The following HOXA3 variants were observed in gnomAD, a reference collection of about 807,000 sequenced individuals.
The protein encoded by HOXA3 is homeobox protein Hox-A3.
In HOXA3, 8 loss-of-function variants were observed where a neutral mutation model predicts 30.3. The observed-to-expected ratio is 0.26, with a 90% CI of 0.15 to 0.48. The LOEUF (loss-of-function observed/expected upper bound fraction) is 0.48. Ranked by LOEUF, HOXA3 falls within the 20% of genes least tolerant of loss-of-function variation. The pLI is 0.99. For synonymous variants in HOXA3, 323 were observed against 273.1 expected, an observed-to-expected ratio of 1.18 and a Z score of -1.80; for missense variants, 653 against 614.4, an observed-to-expected ratio of 1.06 and a Z score of -0.66.
At chr7:27,148,069 T>G (rs1554342254) in intron 1 of HOXA3, among the ~76,000 whole-genome samples, 1 of 152,242 alleles carries the variant, frequency 6.6e-6, no homozygotes, top group Non-Finnish European at 1.5e-5. Context: ...GCCCTTTCAG[T>G]GGCGAGCAGA....
At chr7:27,145,854 T>G (rs202074180) in intron 1 of HOXA3, 154 of 1,614,082 alleles carry the variant, frequency 9.5e-5, no homozygotes, top group Non-Finnish European at 1.3e-4. Context: ...CTTCTCCAGC[T>G]CCAGTGTCTG....
At chr7:27,138,678 GA>G (rs1399748359) in intron 2 of HOXA3, among the ~76,000 whole-genome samples, 1 of 152,210 alleles carries the variant, frequency 6.6e-6, no homozygotes, top group Non-Finnish European at 1.5e-5. Context: ...GTTGGGGCCA[GA>G]AGGGGTGACT....
chr7:27,133,867 C>G (rs921490689), intron 2 of HOXA3, among the ~76,000 whole-genome samples: 2 of 152,194 alleles, frequency 1.3e-5, no homozygotes, highest in South Asian at 2.1e-4. Context: ...AAGGCGCGCC[C>G]TTCACTAGCC....
chr7:27,130,558 TG>T, intron 2 of HOXA3: 2 of 1,432,106 alleles, frequency 1.4e-6, no homozygotes, highest in Admixed American at 2.8e-5. Context: ...GTGAGGGAGC[TG>T]GGGCTGCTGC....
chr7:27,145,573 C>G, intron 1 of HOXA3: 1 of 1,524,614 alleles, frequency 6.6e-7, no homozygotes, highest in Non-Finnish European at 8.8e-7. Flanking sequence ...TGGGAGCAGG[C>G]GGGGAGAAAA....
intron 1 of HOXA3, chr7:27,141,665 A>T: frequency 1.3e-6 from 1 of 746,892 alleles, no homozygotes; most frequent in East Asian, 2.7e-5. Flanking sequence ...AGATCTACTT[A>T]TACAGGCGCT....
At chr7:27,130,877 T>G in intron 2 of HOXA3, 1 of 681,454 alleles carries the variant, frequency 1.5e-6, no homozygotes, top group Non-Finnish European at 2.3e-6. Context: ...TGCCCACTCC[T>G]CCCCCTCCCG....
chr7:27,130,107 G>C, intron 2 of HOXA3: 1 of 1,592,810 alleles, frequency 6.3e-7, no homozygotes, highest in South Asian at 1.1e-5. Context: ...CTCCCAAGCG[G>C]CGCCACGTAC....
At chr7:27,116,468 T>C (rs1784729039) in intron 4 of HOXA3, 1 of 152,416 alleles carries the variant, frequency 6.6e-6, no homozygotes, top group Non-Finnish European at 1.5e-5. Context: ...CTAGCCTTTT[T>C]TGATATCTAA....
At chr7:27,143,359 C>A in intron 1 of HOXA3, 2 of 1,584,256 alleles carry the variant, frequency 1.3e-6, no homozygotes, top group Non-Finnish European at 1.7e-6. Context: ...TGTACCTGGG[C>A]TCGGCGGGCG....
rs749207738 is a variant in HOXA3 at position 27,130,630 on chromosome 7, C to T, written c.-389-3560G>A. 6 of 1,576,632 alleles carry T rather than the reference C, an allele frequency of 3.8e-6. No homozygotes were observed. The East Asian group carries it at 1.2e-4, about 31-fold the overall frequency. On this transcript the variant is annotated intron_variant, in intron 2 of 5. Transcript: ENST00000612286. ...CTGGTAGCCGGGGCCCCCGCCCGGGCCGCCGTCTGCGCCGCCCGAGCCGCT... is the reference window on the plus strand; with the variant it reads ...CTGGTAGCCGGGGCCCCCGCCCGGGTCGCCGTCTGCGCCGCCCGAGCCGCT...
rs1785074667 is a variant in HOXA3 at position 27,122,590 on chromosome 7, T to C, written c.-152A>G. On this transcript the variant is annotated 5_prime_UTR_variant, in exon 4 of 6. Coordinates refer to ENST00000612286, the MANE Select transcript of HOXA3 (RefSeq NM_153631.3). ...AGATGTTTAAATTCTGAACCAGGAA[T>C]TGTCTCCAACTCCAGGCGCTCAGGG... The C allele has an allele frequency of 6.6e-6, 1 of 152,204 alleles. No homozygotes were observed. The highest frequency in any genetic ancestry group is 1.5e-5 in the Non-Finnish European group (1 of 68,038). The allele number at this position is 152,204 out of a possible 1,614,324, so 9.4% of individuals were successfully genotyped here.
chr7:27,130,383 C>T (rs1785483319), intron 2 of HOXA3: 2 of 1,151,592 alleles, frequency 1.7e-6, no homozygotes, highest in South Asian at 4.2e-5. Context: ...CCGGGGGCTG[C>T]TCGGGCTGGG....
At chr7:27,137,740 A>G (rs1785758367) in intron 2 of HOXA3, among the ~76,000 whole-genome samples, 1 of 152,206 alleles carries the variant, frequency 6.6e-6, no homozygotes, top group Admixed American at 6.5e-5. Flanking sequence ...TTTTGTGAAG[A>G]TTAAAACAGA....
Position 27,143,380 on chromosome 7 carries a change from G to T in HOXA3, c.-493-3194C>A, listed in dbSNP as rs762450812. On this transcript the variant is annotated intron_variant, in intron 1 of 5. Coordinates refer to ENST00000612286, the MANE Select transcript of HOXA3 (RefSeq NM_153631.3). ...TGGGCTCGGCGGGCGCCGCGCTGGC[G>T]CTGGCAGCGTAGCTGCGGGCGCGCT... 10 of 1,596,166 alleles carry T rather than the reference G, an allele frequency of 6.3e-6. No individual in the cohort carries two copies. In the South Asian group the frequency reaches 1.1e-4, roughly 18 times the overall value.
chr7:27,108,323 G>T lies in HOXA3; in HGVS notation c.924C>A (p.Pro308=), dbSNP rs1784144979. Reference sequence around the variant, plus strand: ...GCAGGGACGCAGGGTAGGAGGCGGGGGGCAGCCCGTAGGTACCCTGGGGGG... The same window carrying T: ...GCAGGGACGCAGGGTAGGAGGCGGGTGGCAGCCCGTAGGTACCCTGGGGGG... ...SKPPQGTYGL[P]PASYPASLPS... Residue 308 remains proline (P), a synonymous_variant, in exon 6 of 6, where the codon CCC becomes CCA. Coordinates refer to ENST00000612286, the MANE Select transcript of HOXA3 (RefSeq NM_153631.3). This position sits in a 1 kb window ranked among gnomAD's most constrained non-coding sequence, Gnocchi z 5.0. The T allele has an allele frequency of 2.0e-6, 3 of 1,517,708 alleles. No individual in the cohort carries two copies. Among genetic ancestry groups the T allele is most frequent in the African/African-American group, 1.4e-5 (1 of 72,626 alleles). The allele number at this position is 1,517,708 out of a possible 1,614,324, so 94.0% of individuals were successfully genotyped here.
chr7:27,130,374 C>CG, intron 2 of HOXA3: 1 of 1,144,664 alleles, frequency 8.7e-7, no homozygotes, highest in East Asian at 4.2e-5. Flanking sequence ...TGGCTTGCGC[C>CG]GGGGGCTGCT....
chr7:27,152,085 TGTGTGTGTGCGTGCGCGC>T (rs372629641), intron 1 of HOXA3, among the ~76,000 whole-genome samples, 185 bp downstream of exon 1: 14 of 143,878 alleles, frequency 9.7e-5, no homozygotes, highest in Admixed American at 6.2e-4. Context: ...GTGGTGTGTG[TGTGTGTGTGCGTGCGCGC>T]GTGTGTGCCT....
At chr7:27,109,350 T>C (rs1784230578) in intron 5 of HOXA3, among the ~76,000 whole-genome samples, 1 of 152,200 alleles carries the variant, frequency 6.6e-6, no homozygotes, top group Non-Finnish European at 1.5e-5. Context: ...GCCCCAGCTT[T>C]TGTCCACTAA....
Sources: allele counts gnomAD v4.1 joint callset (sites outside exome capture counted in the v4.1 genomes callset), GRCh38; gene constraint gnomAD v4.1.1; non-coding constraint Gnocchi (gnomAD v3.1); transcripts MANE v1.5; gene names NCBI Gene and HGNC (gene_info 2026-07-23, HGNC 2026-07-21).